The following NPAS3 variants were observed in gnomAD, a reference collection of about 807,000 sequenced individuals.
NPAS3 encodes the protein neuronal PAS domain protein 3.
In NPAS3, 14 loss-of-function variants were observed where a neutral mutation model predicts 73.1. That is an observed-to-expected ratio of 0.19 (90% CI 0.13 to 0.30). NPAS3 has a LOEUF of 0.30. Ranked by LOEUF, NPAS3 falls within the 10% of genes least tolerant of loss-of-function variation. NPAS3 has a pLI of 1.00. For synonymous variants in NPAS3, 620 were observed against 541.5 expected, an observed-to-expected ratio of 1.14 and a Z score of -2.01; for missense variants, 1,096 against 1,250.0, an observed-to-expected ratio of 0.88 and a Z score of 1.86.
chr14:33,705,685 A>G (rs1595472931), intron 6 of NPAS3, among the ~76,000 whole-genome samples: 1 of 152,246 alleles, frequency 6.6e-6, no homozygotes, highest in East Asian at 1.9e-4. Flanking sequence ...AACTTTGTCA[A>G]TATGTATCCA....
In NPAS3 at chr14:33,635,689, T is replaced by G. The variant is rs910572833; in HGVS notation, c.559-40522T>G. Among the ~76,000 whole-genome samples, 4 of 152,220 alleles carry G rather than the reference T, an allele frequency of 2.6e-5. No individual in the cohort carries two copies. In the South Asian group the frequency reaches 6.2e-4, roughly 24 times the overall value. On this transcript the variant is annotated intron_variant, in intron 5 of 11. Coordinates refer to ENST00000356141, the Ensembl canonical transcript of NPAS3. ...CATAGTCCAGATGTAATGTTCTGTA[T>G]GAGCAATCTAACTACTGATGTACCC...
chr14:33,570,118 G>A (rs2056142987), intron 5 of NPAS3, among the ~76,000 whole-genome samples: 1 of 152,226 alleles, frequency 6.6e-6, no homozygotes, highest in Non-Finnish European at 1.5e-5. Flanking sequence ...AAAAGGGAGT[G>A]AAGGAAAGAG....
Position 33,676,165 on chromosome 14 carries a change from A to C in NPAS3, c.559-46A>C, listed in dbSNP as rs367904119. On this transcript the variant is annotated intron_variant, in intron 5 of 11. Coordinates refer to ENST00000356141, the Ensembl canonical transcript of NPAS3. ...ACTGTGTTGAATTTGAAAATGGAGAAGCCTATATAATGTCTTTCCTTCCCA... is the reference window on the plus strand; with the variant it reads ...ACTGTGTTGAATTTGAAAATGGAGACGCCTATATAATGTCTTTCCTTCCCA... 3.5e-5 allele frequency: 56 copies of C among 1,587,474 alleles called. No individual in the cohort carries two copies. In the East Asian group the frequency reaches 9.1e-4, roughly 26 times the overall value.
intron 4 of NPAS3, among the ~76,000 whole-genome samples, chr14:33,469,991 G>C (rs2050711005): frequency 6.6e-6 from 1 of 152,148 alleles, no homozygotes. Flanking sequence ...ATAGTCTGCA[G>C]CCACACTCCA....
At chr14:33,029,538 A>G (rs929106085) in intron 1 of NPAS3, among the ~76,000 whole-genome samples, 13 of 152,154 alleles carry the variant, frequency 8.5e-5, no homozygotes, top group African/African-American at 3.1e-4. Flanking sequence ...GGGCTTAAAA[A>G]TATGATGTAT....
intron 4 of NPAS3, among the ~76,000 whole-genome samples, chr14:33,517,232 GTTC>G (rs2053345266): frequency 6.6e-6 from 1 of 152,008 alleles, no homozygotes; most frequent in African/African-American, 2.4e-5. Context: ...TTTCCGGTGG[GTTC>G]TTCTCTGCTT....
At position 33,800,610 on chromosome 14, in the gene NPAS3, G is replaced by A. The variant is rs773780585; in HGVS notation, c.2303G>A (p.Gly768Asp). 21 of 1,333,728 alleles carry A rather than the reference G, an allele frequency of 1.6e-5. No individual in the cohort carries two copies. The African/African-American group carries it at 2.2e-4, about 14-fold the overall frequency. 82.6% of individuals were successfully genotyped at this position (1,333,728 alleles called of 1,614,324 possible). A position where few individuals can be genotyped will look rare whatever the true frequency, so the allele number is the denominator to read the frequency against. ...CCCGGGAACGGCGGCGGGGGCGGGG[G>A]CGGGGGCGGCGGCGCGGGGGGCGGC... The change falls in exon 12 of 12, where the codon GGC becomes GAC. Residue 768 changes from glycine to aspartate, a missense_variant. By Grantham distance (94) the Gly-to-Asp change is moderately conservative. Transcript: ENST00000356141. This position sits in a 1 kb window ranked among gnomAD's most constrained non-coding sequence, Gnocchi z 6.5.
intron 7 of NPAS3, among the ~76,000 whole-genome samples, chr14:33,768,321 A>C (rs536209490): frequency 6.6e-6 from 1 of 152,196 alleles, no homozygotes; most frequent in South Asian, 2.1e-4. Flanking sequence ...TCAGGGGCAA[A>C]GAATCTTTTA....
chr14:33,428,338 A>C (rs878891823), intron 4 of NPAS3, among the ~76,000 whole-genome samples: 35 of 152,222 alleles, frequency 2.3e-4, no homozygotes, highest in Admixed American at 2.0e-3. Flanking sequence ...AATAAAATAT[A>C]TACAAAATAC....
At chr14:33,783,742 G>A (rs2138550376) in intron 9 of NPAS3, among the ~76,000 whole-genome samples, 1 of 152,218 alleles carries the variant, frequency 6.6e-6, no homozygotes, top group South Asian at 2.1e-4. Flanking sequence ...GTGCATCAGT[G>A]GGGCAGTGGT....
intron 7 of NPAS3, among the ~76,000 whole-genome samples, chr14:33,765,574 G>A (rs922732322): frequency 1.3e-5 from 2 of 152,182 alleles, no homozygotes; most frequent in Non-Finnish European, 2.9e-5. Context: ...TCCCACATCA[G>A]CCAAGGCTTC....
intron 1 of NPAS3, among the ~76,000 whole-genome samples, chr14:33,002,288 A>T (rs1023720859): frequency 1.3e-5 from 2 of 152,214 alleles, no homozygotes; most frequent in African/African-American, 4.8e-5. Context: ...GCACACAATG[A>T]TTACTCAACA....
At chr14:33,333,058 A>G (rs372441659) in intron 3 of NPAS3, among the ~76,000 whole-genome samples, 1 of 152,236 alleles carries the variant, frequency 6.6e-6, no homozygotes, top group South Asian at 2.1e-4. Context: ...TGCATACAAT[A>G]GTCAGAGCAT....
intron 1 of NPAS3, among the ~76,000 whole-genome samples, chr14:33,011,404 A>T (rs1595220508): frequency 6.6e-6 from 1 of 152,182 alleles, no homozygotes; most frequent in South Asian, 2.1e-4. Context: ...ACTCACTCAG[A>T]CTGAGACGAT....
At position 33,512,864 on chromosome 14, in the gene NPAS3, G is replaced by A. The variant is rs375068342; in HGVS notation, c.469-47257G>A. 5.9e-5 allele frequency among the ~76,000 whole-genome samples: 9 copies of A among 152,108 alleles called. No homozygotes were observed. The South Asian group carries it at 1.5e-3, about 25-fold the overall frequency. On this transcript the variant is annotated intron_variant, in intron 4 of 11. Coordinates refer to ENST00000356141, the Ensembl canonical transcript of NPAS3. ...GATGAGAGAAAAAATACACTTCAGT[G>A]ACTTTTATATCACTGTATATTTTTA... is the stretch of plus-strand genomic sequence containing the variant.
chr14:33,566,582 A>G (rs1457990170), intron 5 of NPAS3, among the ~76,000 whole-genome samples: 1 of 152,122 alleles, frequency 6.6e-6, no homozygotes, highest in Non-Finnish European at 1.5e-5. Flanking sequence ...TTTAGTTCAT[A>G]GTTCTTAGGT....
chr14:33,714,975 C>G (rs953713820), intron 6 of NPAS3, among the ~76,000 whole-genome samples: 3 of 152,320 alleles, frequency 2.0e-5, no homozygotes, highest in Non-Finnish European at 4.4e-5. Context: ...CTTGACATCT[C>G]TCATGATTCC....
chr14:33,040,148 C>T (rs2040304611), intron 1 of NPAS3, among the ~76,000 whole-genome samples: 1 of 152,028 alleles, frequency 6.6e-6, no homozygotes, highest in African/African-American at 2.4e-5. Context: ...CAGTAACCTG[C>T]AGGGGTATTC....
chr14:33,305,869 C>T (rs1409025624), intron 3 of NPAS3, among the ~76,000 whole-genome samples: 5 of 152,114 alleles, frequency 3.3e-5, no homozygotes, highest in African/African-American at 1.2e-4. Context: ...AAAACTTTTA[C>T]CACTTCTTCT....
Sources: allele counts gnomAD v4.1 joint callset (sites outside exome capture counted in the v4.1 genomes callset), GRCh38; gene constraint gnomAD v4.1.1; non-coding constraint Gnocchi (gnomAD v3.1); transcripts MANE v1.5; gene names NCBI Gene and HGNC (gene_info 2026-07-23, HGNC 2026-07-21).